Variants in IL4R observed in about 807,000 individuals in gnomAD.
IL4R encodes the protein interleukin 4 receptor.
A neutral mutation model predicts 41.5 loss-of-function variants in IL4R; 17 were observed. The observed-to-expected ratio is 0.41, with a 90% CI of 0.28 to 0.61. The LOEUF is 0.61. IL4R is among the 20% of genes least tolerant of loss of function. The pLI is 0.31. For synonymous variants in IL4R, 402 were observed against 422.9 expected, an observed-to-expected ratio of 0.95 and a Z score of 0.61; for missense variants, 974 against 1,043.1, an observed-to-expected ratio of 0.93 and a Z score of 0.91.
intron 2 of IL4R, among the ~76,000 whole-genome samples, chr16:27,337,734 T>A (rs2085302996): frequency 6.6e-6 from 1 of 150,900 alleles, no homozygotes; most frequent in South Asian, 2.1e-4. Flanking sequence ...CACGCGCCAC[T>A]ACCGCCCGGC....
intron 1 of IL4R, among the ~76,000 whole-genome samples, chr16:27,320,376 T>C (rs1189643485): frequency 1.3e-5 from 2 of 152,234 alleles, no homozygotes; most frequent in Non-Finnish European, 2.9e-5. Context: ...GCTTGAATCA[T>C]CCCGAAGCCA....
intron 7 of IL4R, chr16:27,354,905 G>A (rs566897888): frequency 1.0e-4 from 42 of 414,908 alleles, no homozygotes; most frequent in African/African-American, 8.3e-4. Context: ...ACCCAGCACA[G>A]AACCAGGTGC....
intron 2 of IL4R, among the ~76,000 whole-genome samples, chr16:27,336,505 C>G (rs2085262650): frequency 6.6e-6 from 1 of 150,754 alleles, no homozygotes; most frequent in Non-Finnish European, 1.5e-5. Context: ...AATGAGACCC[C>G]ATCTCTATCA....
At chr16:27,322,378 T>C (rs1019602112) in intron 1 of IL4R, among the ~76,000 whole-genome samples, 2 of 152,174 alleles carry the variant, frequency 1.3e-5, no homozygotes, top group Non-Finnish European at 2.9e-5. Context: ...GATTTCGCTA[T>C]GTTTCCCGGG....
chr16:27,316,906 C>CT lies in IL4R; in HGVS notation c.-152+2900dup, dbSNP rs34508839. On this transcript the variant is annotated intron_variant, in intron 1 of 10. Transcript: ENST00000395762. Reference sequence around the variant, plus strand: ...AACTATGTATTTGTTAAATGAATACCTTTTTTTTTTTTTTAGAGCCATGGT... The same window carrying CT: ...AACTATGTATTTGTTAAATGAATACCTTTTTTTTTTTTTTTAGAGCCATGGT... Among the ~76,000 whole-genome samples the CT allele has an allele frequency of 4.0e-3, 584 of 145,620 alleles. 11 individuals carry two copies. Among genetic ancestry groups the CT allele is most frequent in the South Asian group, 0.011 (52 of 4,622 alleles).
rs367731827 is a variant in IL4R at position 27,345,597 on chromosome 16, TC to T, written c.361+578del. The T allele has an allele frequency of 1.9e-3, 339 of 182,278 alleles. 2 individuals carry two copies. The highest frequency in any genetic ancestry group is 7.6e-3 in the African/African-American group (322 of 42,646). The allele number at this position is 182,278 out of a possible 1,614,324, so 11.3% of individuals were successfully genotyped here. On this transcript the variant is annotated intron_variant, in intron 5 of 10. Transcript: ENST00000395762. This position sits in a 1 kb window ranked among gnomAD's most constrained non-coding sequence, Gnocchi z 4.5. Reference sequence around the variant, plus strand: ...GAGACCAAGTTTTAAAACAGATGAATCAAAATAAAGAAAAATACTCAGTAAA... The same window carrying T: ...GAGACCAAGTTTTAAAACAGATGAATAAAATAAAGAAAAATACTCAGTAAA...
In IL4R at chr16:27,362,523, A is replaced by C. The variant is rs1469239978; in HGVS notation, c.1171A>C (p.Ser391Arg). The C allele has an allele frequency of 1.9e-6, 3 of 1,614,212 alleles. No individual in the cohort carries two copies. The highest frequency in any genetic ancestry group is 1.7e-6 in the Non-Finnish European group (2 of 1,180,036). The change falls in exon 11 of 11, where the codon AGC (serine) becomes CGC (arginine). Residue 391 changes from serine to arginine, a missense_variant. By Grantham distance (110) the Ser-to-Arg change is moderately radical. Transcript: ENST00000395762. ...GAGCTTCTGTGCATCGCCTGAGAGC[A>C]GCAGGGATGACTTCCAGGAGGGAAG... ...KGSFCASPES[S>R]RDDFQEGREG...
intron 2 of IL4R, among the ~76,000 whole-genome samples, chr16:27,337,124 A>AAAG (rs35450145): frequency 0.18 from 26,920 of 152,004 alleles, 3,040 homozygotes; most frequent in African/African-American, 0.31. Flanking sequence ...AAAAAACAAA[A>AAAG]AAGAAGAAGT....
chr16:27,362,580 C>T lies in IL4R; in HGVS notation c.1228C>T (p.Leu410=). The T allele has an allele frequency of 6.2e-7, 1 of 1,614,230 alleles. No homozygotes were observed. Among genetic ancestry groups the T allele is most frequent in the East Asian group, 2.2e-5 (1 of 44,884 alleles). ...EGIVARLTES[L]FLDLLGEENG... ...CATTGTGGCCCGGCTAACAGAGAGC[C>T]TGTTCCTGGACCTGCTCGGAGAGGA... Residue 410 remains leucine, a synonymous_variant, in exon 11 of 11, where the codon CTG becomes TTG. Transcript: ENST00000395762.
intron 7 of IL4R, 27 bp from the exon 8 acceptor site, chr16:27,355,781 G>A (rs762444513): frequency 3.3e-6 from 5 of 1,535,052 alleles, no homozygotes; most frequent in Non-Finnish European, 2.7e-6. Context: ...GCTGACCTCA[G>A]CTCATGGCTT....
chr16:27,330,661 A>G (rs2085089738), intron 2 of IL4R, among the ~76,000 whole-genome samples: 1 of 152,106 alleles, frequency 6.6e-6, no homozygotes, highest in African/African-American at 2.4e-5. Flanking sequence ...CTATCATCAC[A>G]AGGATGGCTC....
chr16:27,354,174 G>T (rs1178700184), intron 7 of IL4R: 1 of 152,202 alleles, frequency 6.6e-6, no homozygotes, highest in Admixed American at 6.5e-5. Context: ...TATCCCACAG[G>T]TCTTTCGCAG....
At chr16:27,348,990 C>T (rs937086635) in intron 6 of IL4R, among the ~76,000 whole-genome samples, 2 of 152,166 alleles carry the variant, frequency 1.3e-5, no homozygotes, top group African/African-American at 2.4e-5. Flanking sequence ...ATGCCACAGG[C>T]CTCCAGATAC....
chr16:27,322,209 A>G (rs1333283869), intron 1 of IL4R, among the ~76,000 whole-genome samples: 1 of 149,668 alleles, frequency 6.7e-6, no homozygotes, highest in African/African-American at 2.5e-5. Context: ...TTTTTGCTTT[A>G]TTTTTGAAGC....
At chr16:27,361,097 C>G (rs1325583161) in intron 10 of IL4R, 7 of 1,281,934 alleles carry the variant, frequency 5.5e-6, no homozygotes, top group Non-Finnish European at 7.1e-6. Flanking sequence ...AAATCTTGAC[C>G]TAATTGTATA....
intron 2 of IL4R, among the ~76,000 whole-genome samples, chr16:27,338,184 T>C (rs950751394): frequency 1.3e-5 from 2 of 151,722 alleles, no homozygotes; most frequent in Non-Finnish European, 2.9e-5. Context: ...CTCAAACTCC[T>C]GACCTCGTGA....
intron 9 of IL4R, 126 bp from the exon 10 acceptor site, chr16:27,360,640 G>T: frequency 8.9e-7 from 1 of 1,123,336 alleles, no homozygotes; most frequent in Non-Finnish European, 1.3e-6. Flanking sequence ...CTCAGAAAGC[G>T]TAAGTGACCT....
chr16:27,358,627 C>T (rs2086177437), intron 8 of IL4R, among the ~76,000 whole-genome samples: 2 of 152,190 alleles, frequency 1.3e-5, no homozygotes. Flanking sequence ...AGGTGGCCTC[C>T]TCAGGAACTC....
intron 6 of IL4R, among the ~76,000 whole-genome samples, chr16:27,349,003 G>A (rs1055420325): frequency 2.0e-5 from 3 of 152,188 alleles, no homozygotes; most frequent in Non-Finnish European, 4.4e-5. Context: ...CCAGATACCA[G>A]GTCTGAGGCA....
Sources: gnomAD v4.1 joint callset for allele counts (sites outside exome capture counted in the v4.1 genomes callset) on GRCh38, gnomAD v4.1.1 for gene constraint, Gnocchi (gnomAD v3.1) non-coding constraint, MANE v1.5 for transcripts, NCBI Gene and HGNC (gene_info 2026-07-23, HGNC 2026-07-21) for gene names.